Variants in APLP2 observed in about 807,000 individuals in gnomAD.
APLP2 encodes amyloid beta precursor like protein 2, also known as CDEI box-binding protein.
In APLP2, 53 loss-of-function variants were observed where a neutral mutation model predicts 89.9. The ratio of observed to expected loss-of-function variants is 0.59; its 90% CI spans 0.47 to 0.74. The LOEUF is 0.74. Among genes scored for constraint, APLP2 ranks in the 30% least tolerant of loss-of-function variants. The pLI, the probability that APLP2 is intolerant of heterozygous loss-of-function variation, is 0.00. For synonymous variants in APLP2, 372 were observed against 348.6 expected, an observed-to-expected ratio of 1.07 and a Z score of -0.75; for missense variants, 973 against 975.9, an observed-to-expected ratio of 1.00 and a Z score of 0.04.
At position 130,114,896 on chromosome 11, in the gene APLP2, T is replaced by A. The variant is rs1307383678; in HGVS notation, c.403+4235T>A. 6.6e-5 allele frequency among the ~76,000 whole-genome samples: 10 copies of A among 152,376 alleles called. No homozygotes were observed. In the East Asian group the frequency reaches 1.9e-3, roughly 29 times the overall value. On this transcript the variant is annotated intron_variant, in intron 3 of 16. Coordinates refer to ENST00000338167, the MANE Select transcript of APLP2 (RefSeq NM_001142276.2). ...CTTCTGCATTTGTACCTTGGTCTGT[T>A]GGCATAGCTCACTTTTCCATTGCAG...
rs1441608103 is a variant in APLP2 at position 130,127,813 on chromosome 11, C to G, written c.1269C>G (p.Pro423=). Residue 423 remains proline, a synonymous_variant, in exon 9 of 17, where the codon CCC becomes CCG. Coordinates refer to ENST00000338167, the MANE Select transcript of APLP2 (RefSeq NM_001142276.2). ...EEAELQAKNL[P]KAERQTLIQH... is the part of the protein sequence containing the mutation. ...CAGAGCTTCAAGCTAAGAACCTCCC[C>G]AAAGCAGAGAGGCAGACTCTGATTC... The G allele has an allele frequency of 1.2e-6, 2 of 1,614,110 alleles. No individual in the cohort carries two copies. The highest frequency in any genetic ancestry group is 2.2e-5 in the South Asian group (2 of 91,066).
At position 130,123,886 on chromosome 11, in the gene APLP2, G is replaced by C. The variant is rs1950105153; in HGVS notation, c.1090+107G>C. 2 of 1,281,588 alleles carry C rather than the reference G, an allele frequency of 1.6e-6. No homozygotes were observed. The highest frequency in any genetic ancestry group is 1.1e-6 in the Non-Finnish European group (1 of 915,474). 79.4% of individuals were successfully genotyped at this position (1,281,588 alleles called of 1,614,324 possible). A position where few individuals can be genotyped will look rare whatever the true frequency, so the allele number is the denominator to read the frequency against. ...CTGTGTGGTGTCCCTGCCCACTCGG[G>C]TGTTTGCTGTCGGTCGTCTTCCCCT... is the stretch of plus-strand genomic sequence containing the variant. On this transcript the variant is annotated intron_variant, in intron 7 of 16. Transcript: ENST00000338167. The surrounding 1 kb of genome is among the most constrained non-coding windows in gnomAD (Gnocchi z 4.0).
intron 1 of APLP2, among the ~76,000 whole-genome samples, chr11:130,105,967 T>C (rs1335826997): frequency 6.6e-6 from 1 of 152,080 alleles, no homozygotes; most frequent in Non-Finnish European, 1.5e-5. Flanking sequence ...CCTCCCAAAG[T>C]GCTGAGATTA....
Position 130,120,806 on chromosome 11 carries a change from G to A in APLP2, c.504G>A (p.Thr168=), listed in dbSNP as rs889898534. 2.1e-5 allele frequency: 34 copies of A among 1,613,116 alleles called. No individual in the cohort carries two copies. The highest frequency in any genetic ancestry group is 1.6e-4 in the Middle Eastern group (1 of 6,076). Residue 168 remains threonine, a synonymous_variant, in exon 4 of 17, where the codon ACG becomes ACA. Coordinates refer to ENST00000338167, the MANE Select transcript of APLP2 (RefSeq NM_001142276.2). ...GTGAGAATCACCAGCACTGGCACAC[G>A]GTAGTCAAAGAGGTAAGAGAACTCG... is the stretch of plus-strand genomic sequence containing the variant. The part of the protein sequence containing the change: ...EVCENHQHWH[T]VVKEACLTQG...
At chr11:130,072,971 T>C (rs1351937857) in intron 1 of APLP2, among the ~76,000 whole-genome samples, 1 of 152,230 alleles carries the variant, frequency 6.6e-6, no homozygotes, top group African/African-American at 2.4e-5. Flanking sequence ...AGTGAATTTT[T>C]CATTTTATTT....
intron 1 of APLP2, among the ~76,000 whole-genome samples, chr11:130,090,938 G>A (rs1428935160): frequency 6.8e-6 from 1 of 146,912 alleles, no homozygotes; most frequent in Non-Finnish European, 1.5e-5. Flanking sequence ...CTGGCCGGGC[G>A]GGGGGCCGAC....
Position 130,140,512 on chromosome 11 carries a change from C to G in APLP2, c.1923+29C>G, listed in dbSNP as rs774793796. The G allele has an allele frequency of 1.9e-6, 3 of 1,565,850 alleles. No homozygotes were observed. The South Asian group carries it at 3.5e-5, about 18-fold the overall frequency. ...AGCCTGTTCTTTCTTCTGCCCAACA[C>G]GCTTTACTTTTGAGACTCATTAGAG... is the stretch of plus-strand genomic sequence containing the variant. On this transcript the variant is annotated intron_variant, in intron 14 of 16. Coordinates refer to ENST00000338167, the MANE Select transcript of APLP2 (RefSeq NM_001142276.2).
At chr11:130,100,423 C>A (rs1396972316) in intron 1 of APLP2, 1 of 151,842 alleles carries the variant, frequency 6.6e-6, no homozygotes, top group Non-Finnish European at 1.5e-5. Flanking sequence ...TTGAGAATTT[C>A]AGGTGTGTAA....
intron 1 of APLP2, among the ~76,000 whole-genome samples, chr11:130,091,802 C>G (rs867530996): frequency 0.019 from 2,887 of 149,588 alleles, no homozygotes; most frequent in Middle Eastern, 0.041. Flanking sequence ...GATGGGGCGG[C>G]TGGTCGGGCG....
At chr11:130,114,965 A>C (rs1270425439) in intron 3 of APLP2, among the ~76,000 whole-genome samples, 1 of 152,158 alleles carries the variant, frequency 6.6e-6, no homozygotes, top group Non-Finnish European at 1.5e-5. Flanking sequence ...CATGACAGCC[A>C]CTGACAGTTC....
intron 1 of APLP2, among the ~76,000 whole-genome samples, chr11:130,086,488 G>A (rs1944143279): frequency 6.6e-6 from 1 of 152,166 alleles, no homozygotes; most frequent in Non-Finnish European, 1.5e-5. Flanking sequence ...ACTCTCAATA[G>A]TGTCCTTTGA....
chr11:130,141,767 A>C lies in APLP2; in HGVS notation c.1999-152A>C. Reference sequence around the variant, plus strand: ...AGATTGGGAAGAGTGGGCGTTCTCCACCTGTGGGTGGTTCCCTGCAAAGCA... The same window carrying C: ...AGATTGGGAAGAGTGGGCGTTCTCCCCCTGTGGGTGGTTCCCTGCAAAGCA... On this transcript the variant is annotated intron_variant, in intron 15 of 16. Transcript: ENST00000338167. The surrounding 1 kb of genome is among the most constrained non-coding windows in gnomAD (Gnocchi z 4.2). 1.0e-6 allele frequency: 1 copy of C among 996,896 alleles called. No homozygotes were observed. Among genetic ancestry groups the C allele is most frequent in the Non-Finnish European group, 1.5e-6 (1 of 681,712 alleles). 61.8% of individuals were successfully genotyped at this position (996,896 alleles called of 1,614,324 possible). A position where few individuals can be genotyped will look rare whatever the true frequency, so the allele number is the denominator to read the frequency against.
intron 4 of APLP2, 130 bp from the exon 5 acceptor site, chr11:130,121,484 G>C: frequency 8.6e-7 from 1 of 1,167,342 alleles, no homozygotes; most frequent in Non-Finnish European, 1.1e-6. Flanking sequence ...GACAGAAAAT[G>C]TATGTGTTCA....
chr11:130,122,843 C>T (rs1182156053), intron 6 of APLP2, among the ~76,000 whole-genome samples: 1 of 152,214 alleles, frequency 6.6e-6, no homozygotes, highest in Non-Finnish European at 1.5e-5. Flanking sequence ...TTCGATACCA[C>T]TCAAGTTCTG....
intron 13 of APLP2, among the ~76,000 whole-genome samples, chr11:130,136,673 G>C (rs932099189): frequency 2.0e-5 from 3 of 152,128 alleles, no homozygotes; most frequent in African/African-American, 7.2e-5. Context: ...CTAAACTAGC[G>C]ATCCCAGAGC....
chr11:130,119,577 C>G (rs926865502), intron 3 of APLP2, among the ~76,000 whole-genome samples: 4 of 152,190 alleles, frequency 2.6e-5, no homozygotes, highest in Admixed American at 6.5e-5. Context: ...AATCACATAC[C>G]ATCTTTTCCC....
intron 1 of APLP2, among the ~76,000 whole-genome samples, chr11:130,094,569 G>A (rs1479895658): frequency 1.3e-5 from 2 of 152,192 alleles, no homozygotes; most frequent in African/African-American, 4.8e-5. Flanking sequence ...CAATAGCAGT[G>A]CTGAAAGCTA....
intron 1 of APLP2, among the ~76,000 whole-genome samples, chr11:130,108,095 T>C (rs988155229): frequency 2.6e-5 from 4 of 152,162 alleles, no homozygotes; most frequent in Admixed American, 2.6e-4. Flanking sequence ...AATGTTAGAC[T>C]TAAAACCATA....
chr11:130,079,532 C>T (rs1215639386), intron 1 of APLP2, among the ~76,000 whole-genome samples: 1 of 152,126 alleles, frequency 6.6e-6, no homozygotes, highest in African/African-American at 2.4e-5. Context: ...TTATAAATGG[C>T]ATCTTTAAGA....
Sources: allele counts gnomAD v4.1 joint callset (sites outside exome capture counted in the v4.1 genomes callset), GRCh38; gene constraint gnomAD v4.1.1; non-coding constraint Gnocchi (gnomAD v3.1); transcripts MANE v1.5; gene names NCBI Gene and HGNC (gene_info 2026-07-23, HGNC 2026-07-21).